The following POLD3 variants were observed in gnomAD, a reference collection of about 807,000 sequenced individuals.
The protein encoded by POLD3 is DNA polymerase delta subunit 3.
A neutral mutation model predicts 58.2 loss-of-function variants in POLD3; 19 were observed. The observed-to-expected ratio is 0.33, with a 90% CI of 0.23 to 0.48. The LOEUF is 0.48. Among genes scored for constraint, POLD3 ranks in the 20% least tolerant of loss-of-function variants. The pLI is 0.99. For synonymous variants in POLD3, 172 were observed against 193.5 expected (o/e 0.89, Z 0.92); for missense variants, 504 against 545.5 (o/e 0.92, Z 0.76).
intron 8 of POLD3, 59 bp from the exon 9 acceptor site, chr11:74,629,158 G>A: frequency 2.0e-6 from 2 of 993,444 alleles, no homozygotes; most frequent in African/African-American, 1.7e-5. Context: ...ATAAGAGCAT[G>A]TGAATACTTA....
chr11:74,630,603 A>G (rs753854446), intron 9 of POLD3, among the ~76,000 whole-genome samples: 19 of 152,184 alleles, frequency 1.2e-4, no homozygotes, highest in African/African-American at 4.3e-4. Flanking sequence ...TTTTCATTCC[A>G]TTGTCATTTA....
rs2032393026 is a variant in POLD3 at position 74,625,352 on chromosome 11, G to C, written c.734-56G>C. The stretch of plus-strand genomic sequence containing the variant: ...GCACATGGTAGACTGTCAAAAGAAT[G>C]ATGTATTAATATTGCATGATGGGGT... On this transcript the variant is annotated intron_variant, in intron 7 of 11. Coordinates refer to ENST00000263681, the MANE Select transcript of POLD3 (RefSeq NM_006591.3). The C allele has an allele frequency of 2.2e-6, 3 of 1,362,026 alleles. No homozygotes were observed. In the Admixed American group the frequency reaches 6.4e-5, roughly 29 times the overall value. The allele number at this position is 1,362,026 out of a possible 1,614,324, so 84.4% of individuals were successfully genotyped here. A position where few individuals can be genotyped will look rare whatever the true frequency, so the allele number is the denominator to read the frequency against.
chr11:74,649,062 T>A (rs146561379), intron 4 of POLD3, among the ~76,000 whole-genome samples: 2 of 152,240 alleles, frequency 1.3e-5, no homozygotes, highest in Non-Finnish European at 2.9e-5. Flanking sequence ...AGTTAAACCA[T>A]GGAGATGGGA....
In POLD3 at chr11:74,642,870, A is replaced by G. The variant is rs2032949536; in HGVS notation, c.*2104A>G. 1.0e-6 allele frequency: 1 copy of G among 985,056 alleles called. No individual in the cohort carries two copies. The highest frequency in any genetic ancestry group is 1.2e-6 in the Non-Finnish European group (1 of 829,762). The allele number at this position is 985,056 out of a possible 1,614,324, so 61.0% of individuals were successfully genotyped here. A position where few individuals can be genotyped will look rare whatever the true frequency, so the allele number is the denominator to read the frequency against. On this transcript the variant is annotated 3_prime_UTR_variant, in exon 12 of 12. Coordinates refer to ENST00000263681, the MANE Select transcript of POLD3 (RefSeq NM_006591.3). ...ACCCACAGTCTGAGATGAACAAGTT[A>G]TTTGCTGCCTTCATCGTTTTTTTCA...
intron 3 of POLD3, 32 bp downstream of exon 3, chr11:74,604,826 A>G (rs757808991): frequency 1.8e-6 from 2 of 1,139,892 alleles, no homozygotes; most frequent in African/African-American, 1.5e-5. Flanking sequence ...ATGAGCTTAA[A>G]TGTGTTTGTG....
intron 9 of POLD3, among the ~76,000 whole-genome samples, chr11:74,629,701 T>C (rs1308986718): frequency 6.6e-6 from 1 of 151,982 alleles, no homozygotes; most frequent in Non-Finnish European, 1.5e-5. Context: ...TCCACACAGG[T>C]AAAACTAGGG....
chr11:74,625,441 C>T lies in POLD3; in HGVS notation c.767C>T (p.Ala256Val), dbSNP rs1277320998. 1 of 1,612,404 alleles carries T rather than the reference C, an allele frequency of 6.2e-7. No individual in the cohort carries two copies. The highest frequency in any genetic ancestry group is 1.3e-5 in the African/African-American group (1 of 74,804). Reference sequence around the variant, plus strand: ...AAAGTCAATTTGGACTCAGAACAAGCAGTGAAAGAAGAAAAAATAGTGGAG... The same window carrying T: ...AAAGTCAATTTGGACTCAGAACAAGTAGTGAAAGAAGAAAAAATAGTGGAG... ...KFKVNLDSEQAVKEEKIVEQP... is the reference protein window; with the variant it reads ...KFKVNLDSEQVVKEEKIVEQP... The change falls in exon 8 of 12, where the codon GCA becomes GTA. Residue 256 changes from alanine (A) to valine (V), a missense_variant. This residue lies in a region of POLD3 where 385 missense variants were observed against 370.5 expected (regional missense o/e 1.04). Coordinates refer to ENST00000263681, the MANE Select transcript of POLD3 (RefSeq NM_006591.3).
intron 9 of POLD3, among the ~76,000 whole-genome samples, chr11:74,630,577 A>C (rs1435537223): frequency 6.6e-6 from 1 of 152,234 alleles, no homozygotes; most frequent in African/African-American, 2.4e-5. Context: ...AGCATCCCAG[A>C]GAGGCAAATG....
At chr11:74,602,921 C>T (rs868010841) in intron 2 of POLD3, among the ~76,000 whole-genome samples, 96 of 152,186 alleles carry the variant, frequency 6.3e-4, no homozygotes, top group African/African-American at 1.8e-3. Context: ...ACCTTGCTGG[C>T]TCCCTCCCTC....
chr11:74,623,295 C>G (rs2032322522), intron 7 of POLD3, among the ~76,000 whole-genome samples: 2 of 152,042 alleles, frequency 1.3e-5, no homozygotes, highest in Admixed American at 1.3e-4. Context: ...ATTAGCTGGG[C>G]CTGTTGGTGG....
intron 4 of POLD3, among the ~76,000 whole-genome samples, chr11:74,663,973 CAA>C (rs1480793912): frequency 1.3e-5 from 2 of 151,814 alleles, no homozygotes; most frequent in African/African-American, 2.4e-5. Context: ...AAAAAATGGG[CAA>C]AAAATAAGAA....
chr11:74,604,646 A>G, intron 2 of POLD3, 46 bp from the exon 3 acceptor site: 3 of 989,612 alleles, frequency 3.0e-6, no homozygotes, highest in Non-Finnish European at 4.8e-6. Flanking sequence ...GATCATGTAA[A>G]AACTCTTACT....
At chr11:74,655,639 T>C (rs774343950) in intron 4 of POLD3, among the ~76,000 whole-genome samples, 25 of 148,884 alleles carry the variant, frequency 1.7e-4, no homozygotes, top group Non-Finnish European at 3.4e-4. Context: ...TTTTACAAAA[T>C]TCAACACCTA....
At chr11:74,664,226 C>T (rs955566336) in intron 4 of POLD3, among the ~76,000 whole-genome samples, 55 of 152,126 alleles carry the variant, frequency 3.6e-4, no homozygotes, top group Admixed American at 3.3e-3. Flanking sequence ...CTGGAACTTT[C>T]TCATAAAGTT....
At chr11:74,595,180 T>TG (rs1449270897) in intron 2 of POLD3, 1 of 117,206 alleles carries the variant, frequency 8.5e-6, no homozygotes, top group Non-Finnish European at 1.8e-5. Flanking sequence ...TTTTTTTTTT[T>TG]TTTTTTTTTG....
intron 5 of POLD3, among the ~76,000 whole-genome samples, chr11:74,617,744 G>A (rs1053758259): frequency 1.3e-5 from 2 of 151,950 alleles, no homozygotes; most frequent in African/African-American, 2.4e-5. Flanking sequence ...TTTTGAGACA[G>A]CATCTCACTC....
chr11:74,622,168 A>G (rs897973853), intron 7 of POLD3, among the ~76,000 whole-genome samples: 10 of 150,930 alleles, frequency 6.6e-5, no homozygotes, highest in African/African-American at 1.2e-4. Flanking sequence ...ATGATTTCCA[A>G]TTTCATCCGT....
chr11:74,650,353 T>C (rs1565132904), intron 4 of POLD3, among the ~76,000 whole-genome samples: 2 of 152,148 alleles, frequency 1.3e-5, no homozygotes, highest in African/African-American at 4.8e-5. Flanking sequence ...AATTCCTGAC[T>C]CCCCTTTGTC....
chr11:74,599,597 C>T (rs1244765422), intron 2 of POLD3, among the ~76,000 whole-genome samples: 4 of 151,720 alleles, frequency 2.6e-5, no homozygotes, highest in South Asian at 2.1e-4. Flanking sequence ...CCCCTGACCT[C>T]GCAATCTGCC....
Sources: allele counts gnomAD v4.1 joint callset (sites outside exome capture counted in the v4.1 genomes callset), GRCh38; gene constraint gnomAD v4.1.1; regional missense constraint gnomAD v4.1.1; transcripts MANE v1.5; gene names NCBI Gene and HGNC (gene_info 2026-07-23, HGNC 2026-07-21).